Variants in FAM3C observed in about 807,000 individuals in gnomAD.
FAM3C encodes the protein FAM3 metabolism regulating signaling molecule C.
FAM3C carries 15 observed loss-of-function variants against 32.5 expected under a neutral mutation model. That is an observed-to-expected ratio of 0.46 (90% CI 0.31 to 0.71). The LOEUF is 0.71. FAM3C is among the 30% of genes least tolerant of loss of function. The pLI, the probability that FAM3C is intolerant of heterozygous loss-of-function variation, is 0.05. For missense variants in FAM3C, 175 were observed against 274.4 expected (o/e 0.64, Z 2.56); for synonymous variants, 75 against 86.1 (o/e 0.87, Z 0.72).
intron 1 of FAM3C, among the ~76,000 whole-genome samples, chr7:121,395,103 T>G (rs1001854516): frequency 6.6e-6 from 1 of 152,176 alleles, no homozygotes; most frequent in African/African-American, 2.4e-5. Context: ...CGAAACCATT[T>G]GGCAGTGCCT....
chr7:121,358,424 T>G (rs1042857625), intron 8 of FAM3C, among the ~76,000 whole-genome samples: 10 of 152,028 alleles, frequency 6.6e-5, no homozygotes, highest in African/African-American at 2.4e-4. Flanking sequence ...ATAAGTCATC[T>G]GAAGAAAAGT....
intron 5 of FAM3C, among the ~76,000 whole-genome samples, chr7:121,368,571 C>A (rs905534117): frequency 1.3e-5 from 2 of 152,128 alleles, no homozygotes; most frequent in East Asian, 3.8e-4. Flanking sequence ...AATTATTTTA[C>A]ACAGCAACCA....
intron 3 of FAM3C, among the ~76,000 whole-genome samples, chr7:121,377,179 A>C (rs1053836761): frequency 6.6e-6 from 1 of 151,180 alleles, no homozygotes; most frequent in Admixed American, 6.6e-5. Flanking sequence ...TTCACTCTGC[A>C]CTTCTCCTTT....
chr7:121,384,183 C>A (rs994324244), intron 1 of FAM3C, among the ~76,000 whole-genome samples: 2 of 152,092 alleles, frequency 1.3e-5, no homozygotes, highest in Non-Finnish European at 2.9e-5. Context: ...AAAGAAAAAA[C>A]AACACTTAAA....
At chr7:121,363,082 G>A (rs1793956991) in intron 6 of FAM3C, 135 bp from the exon 7 acceptor site, 2 of 526,520 alleles carry the variant, frequency 3.8e-6, no homozygotes. Context: ...AGAGAGATGT[G>A]AATTCATCTC....
intron 2 of FAM3C, among the ~76,000 whole-genome samples, chr7:121,381,231 A>T (rs926486773): frequency 1.3e-5 from 2 of 152,214 alleles, no homozygotes; most frequent in Non-Finnish European, 2.9e-5. Flanking sequence ...AGTTTTTCAC[A>T]AGCCAAGAAG....
chr7:121,350,554 T>A lies in FAM3C; in HGVS notation c.595-4A>T. ...TATCCTTATTGTTCTTTATGTGCTATTGGAACACAGTAATAATATACAGTT... is the reference window on the plus strand; with the variant it reads ...TATCCTTATTGTTCTTTATGTGCTAATGGAACACAGTAATAATATACAGTT... On this transcript the variant is annotated splice_region_variant and splice_polypyrimidine_tract_variant and intron_variant, in intron 9 of 9. Coordinates refer to ENST00000359943, the MANE Select transcript of FAM3C (RefSeq NM_014888.3). 1 of 1,612,862 alleles carries A rather than the reference T, an allele frequency of 6.2e-7. No homozygotes were observed. Among genetic ancestry groups the A allele is most frequent in the Non-Finnish European group, 8.5e-7 (1 of 1,179,232 alleles).
At chr7:121,366,675 A>G (rs1201206853) in intron 5 of FAM3C, among the ~76,000 whole-genome samples, 1 of 152,202 alleles carries the variant, frequency 6.6e-6, no homozygotes, top group Non-Finnish European at 1.5e-5. Context: ...TGACTGTATA[A>G]TATAAATGAG....
intron 2 of FAM3C, among the ~76,000 whole-genome samples, chr7:121,379,879 T>C (rs565862543): frequency 1.3e-5 from 2 of 152,306 alleles, no homozygotes; most frequent in South Asian, 4.1e-4. Flanking sequence ...ACACTATTAA[T>C]GTAGAAATGA....
At chr7:121,356,226 C>T (rs1008603190) in intron 8 of FAM3C, among the ~76,000 whole-genome samples, 4 of 152,120 alleles carry the variant, frequency 2.6e-5, no homozygotes, top group African/African-American at 7.2e-5. Context: ...CTTGTACTGG[C>T]CAGACCACAT....
chr7:121,389,113 C>A (rs1222835614), intron 1 of FAM3C, among the ~76,000 whole-genome samples: 1 of 152,136 alleles, frequency 6.6e-6, no homozygotes, highest in African/African-American at 2.4e-5. Context: ...GAAAGTGCCC[C>A]ATCTAGGCCA....
intron 8 of FAM3C, among the ~76,000 whole-genome samples, chr7:121,355,626 T>A (rs550672780): frequency 1.6e-3 from 243 of 152,280 alleles, no homozygotes; most frequent in Middle Eastern, 6.8e-3. Flanking sequence ...ATTAGCACAG[T>A]CCATGAATTT....
chr7:121,371,315 C>A lies in FAM3C; in HGVS notation c.257G>T (p.Cys86Phe). ...GAANVVGPKI[C>F]LEDNVLMSGV... ...AAAGACTTACACATTATCTTCCAGG[C>A]AGATTTTGGGTCCCACCACGTTGGC... is the stretch of plus-strand genomic sequence containing the variant. The change falls in exon 5 of 10, where the codon TGC becomes TTC. Residue 86 changes from cysteine to phenylalanine, a missense_variant. Transcript: ENST00000359943. The A allele has an allele frequency of 6.2e-7, 1 of 1,613,154 alleles. No homozygotes were observed. The highest frequency in any genetic ancestry group is 8.5e-7 in the Non-Finnish European group (1 of 1,179,848).
At chr7:121,359,158 C>T in intron 8 of FAM3C, among the ~76,000 whole-genome samples, 1 of 151,774 alleles carries the variant, frequency 6.6e-6, no homozygotes, top group Middle Eastern at 3.2e-3. Flanking sequence ...TTTTTAAAAA[C>T]ATGCACATCC....
At position 121,381,397 on chromosome 7, in the gene FAM3C, C is replaced by T. The variant is rs558748068; in HGVS notation, c.13+1560G>A. Among the ~76,000 whole-genome samples the T allele has an allele frequency of 2.8e-4, 42 of 152,094 alleles. No homozygotes were observed. The Middle Eastern group carries it at 0.017, about 62-fold the overall frequency. On this transcript the variant is annotated intron_variant, in intron 2 of 9. Coordinates refer to ENST00000359943, the MANE Select transcript of FAM3C (RefSeq NM_014888.3). ...CTTATTCATTCATTCAAGGCAGTTC[C>T]CTCAAGACCTATACTAGGAACAGTG...
intron 1 of FAM3C, among the ~76,000 whole-genome samples, chr7:121,391,687 A>G (rs1424549904): frequency 1.3e-5 from 2 of 152,330 alleles, no homozygotes; most frequent in Non-Finnish European, 2.9e-5. Flanking sequence ...AAATGAAGAC[A>G]TGGAGAAACA....
At chr7:121,392,021 A>C (rs1794587495) in intron 1 of FAM3C, among the ~76,000 whole-genome samples, 3 of 152,200 alleles carry the variant, frequency 2.0e-5, no homozygotes, top group Admixed American at 2.0e-4. Flanking sequence ...ACCAAATAAA[A>C]CAACTGTATA....
chr7:121,384,226 T>C (rs1330234204), intron 1 of FAM3C, among the ~76,000 whole-genome samples: 1 of 152,178 alleles, frequency 6.6e-6, no homozygotes, highest in Non-Finnish European at 1.5e-5. Context: ...CCTTTGTTAA[T>C]TATCTGAACA....
intron 6 of FAM3C, 106 bp downstream of exon 6, chr7:121,364,024 T>C (rs1793975862): frequency 4.0e-6 from 3 of 753,224 alleles, no homozygotes; most frequent in Non-Finnish European, 7.1e-6. Context: ...GAGGGCTTTA[T>C]CATCAAGAGC....
Sources: allele counts gnomAD v4.1 joint callset (sites outside exome capture counted in the v4.1 genomes callset), GRCh38; gene constraint gnomAD v4.1.1; transcripts MANE v1.5; gene names NCBI Gene and HGNC (gene_info 2026-07-23, HGNC 2026-07-21).